The following PYGO1 variants were observed in gnomAD, a reference collection of about 807,000 sequenced individuals.
PYGO1 encodes the protein pygopus family PHD finger 1.
In PYGO1, 6 loss-of-function variants were observed where a neutral mutation model predicts 29.5. That is an observed-to-expected ratio of 0.20 (90% CI 0.11 to 0.40). The LOEUF (loss-of-function observed/expected upper bound fraction) is 0.40. PYGO1 is among the 10% of genes least tolerant of loss of function. The pLI, the probability that PYGO1 is intolerant of heterozygous loss-of-function variation, is 1.00. For synonymous variants in PYGO1, 186 were observed against 180.5 expected, an observed-to-expected ratio of 1.03 and a Z score of -0.24; for missense variants, 515 against 514.9, an observed-to-expected ratio of 1.00 and a Z score of 0.00.
At chr15:55,552,651 T>C (rs1023017600) in intron 1 of PYGO1, among the ~76,000 whole-genome samples, 2 of 152,094 alleles carry the variant, frequency 1.3e-5, no homozygotes, top group African/African-American at 4.8e-5. Context: ...CACAGATCTT[T>C]GCAACCCACA....
At chr15:55,584,034 T>C (rs1379080912) in intron 1 of PYGO1, among the ~76,000 whole-genome samples, 1 of 152,090 alleles carries the variant, frequency 6.6e-6, no homozygotes, top group East Asian at 1.9e-4. Context: ...GCCCTTATCA[T>C]GCTATTTGTA....
intron 2 of PYGO1, among the ~76,000 whole-genome samples, chr15:55,548,247 TG>T (rs1394874907): frequency 6.6e-6 from 1 of 151,462 alleles, no homozygotes; most frequent in African/African-American, 2.4e-5. Context: ...CTCGAACTCC[TG>T]GCCTCAAGTA....
intron 1 of PYGO1, among the ~76,000 whole-genome samples, chr15:55,578,092 A>G: frequency 6.6e-6 from 1 of 152,180 alleles, no homozygotes; most frequent in Non-Finnish European, 1.5e-5. Context: ...GGAATCATAC[A>G]ATATGTAGCT....
Position 55,539,104 on chromosome 15 carries a change from C to T in PYGO1, c.*6919G>A, listed in dbSNP as rs1309830511. On this transcript the variant is annotated 3_prime_UTR_variant, in exon 3 of 3. Coordinates refer to ENST00000563719, the MANE Select transcript of PYGO1 (RefSeq NM_001367806.1). ...CCAACAATAACATGGACTGTCTTGA[C>T]AGCAGAACGTCTACTTGTCTTCTTA... 1.3e-5 allele frequency: 2 copies of T among 152,138 alleles called. No individual in the cohort carries two copies. Among genetic ancestry groups the T allele is most frequent in the African/African-American group, 2.4e-5 (1 of 41,440 alleles). 9.4% of individuals were successfully genotyped at this position (152,138 alleles called of 1,614,324 possible). A position where few individuals can be genotyped will look rare whatever the true frequency, so the allele number is the denominator to read the frequency against.
chr15:55,578,790 C>A (rs1024813396), intron 1 of PYGO1, among the ~76,000 whole-genome samples: 2 of 152,048 alleles, frequency 1.3e-5, no homozygotes, highest in African/African-American at 2.4e-5. Context: ...TTCCATCGTG[C>A]GGGTTGTCTA....
chr15:55,551,818 A>T (rs1336468479), intron 1 of PYGO1, among the ~76,000 whole-genome samples: 1 of 152,034 alleles, frequency 6.6e-6, no homozygotes, highest in Non-Finnish European at 1.5e-5. Context: ...AAAAAAGAAC[A>T]CAGATGCAAA....
At chr15:55,563,662 T>C (rs1191455696) in intron 1 of PYGO1, among the ~76,000 whole-genome samples, 2 of 152,184 alleles carry the variant, frequency 1.3e-5, no homozygotes, top group African/African-American at 4.8e-5. Context: ...AAATAAATTC[T>C]TTAGTGGAGA....
intron 1 of PYGO1, among the ~76,000 whole-genome samples, chr15:55,572,682 C>T (rs921631030): frequency 6.6e-6 from 1 of 151,994 alleles, no homozygotes; most frequent in East Asian, 1.9e-4. Flanking sequence ...TATATAGGTG[C>T]TCATCCAAAA....
intron 1 of PYGO1, among the ~76,000 whole-genome samples, chr15:55,566,329 T>C (rs2058956424): frequency 6.6e-6 from 1 of 152,108 alleles, no homozygotes; most frequent in Non-Finnish European, 1.5e-5. Flanking sequence ...AGTATTTGAT[T>C]TTCTCTTCCT....
intron 1 of PYGO1, among the ~76,000 whole-genome samples, chr15:55,561,651 A>G (rs1369588549): frequency 6.6e-6 from 1 of 152,178 alleles, no homozygotes; most frequent in African/African-American, 2.4e-5. Flanking sequence ...TGAGATTTGC[A>G]CAGGGACACA....
At position 55,546,010 on chromosome 15, in the gene PYGO1, T is replaced by G; in HGVS notation, c.*13A>C. 6.3e-7 allele frequency: 1 copy of G among 1,578,184 alleles called. No homozygotes were observed. The highest frequency in any genetic ancestry group is 1.2e-5 in the South Asian group (1 of 86,804). Reference sequence around the variant, plus strand: ...GCACAGGAAAATAAACCCACTTTAGTTAATGCCTTTGATTAAGCATCACTG... The same window carrying G: ...GCACAGGAAAATAAACCCACTTTAGGTAATGCCTTTGATTAAGCATCACTG... On this transcript the variant is annotated 3_prime_UTR_variant, in exon 3 of 3. Transcript: ENST00000563719.
intron 1 of PYGO1, among the ~76,000 whole-genome samples, chr15:55,559,419 C>T (rs11071195): frequency 0.87 from 132,954 of 151,994 alleles, 58,335 homozygotes; most frequent in Admixed American, 0.92. Context: ...GAAGACAGTG[C>T]GGCGATTCCT....
At chr15:55,556,476 T>G (rs1162619508) in intron 1 of PYGO1, among the ~76,000 whole-genome samples, 1 of 152,096 alleles carries the variant, frequency 6.6e-6, no homozygotes, top group South Asian at 2.1e-4. Flanking sequence ...TGTACCAGAA[T>G]CTCTGGGATG....
At chr15:55,550,019 A>T (rs1337173886) in intron 1 of PYGO1, among the ~76,000 whole-genome samples, 2 of 152,228 alleles carry the variant, frequency 1.3e-5, no homozygotes, top group African/African-American at 4.8e-5. Flanking sequence ...GAACTTAAAA[A>T]AAATACAATG....
intron 1 of PYGO1, among the ~76,000 whole-genome samples, chr15:55,572,674 T>G (rs1229085122): frequency 1.3e-5 from 2 of 151,996 alleles, no homozygotes; most frequent in Non-Finnish European, 2.9e-5. Context: ...ACCCAAAATA[T>G]ATAGGTGCTC....
At chr15:55,585,611 A>G (rs532170615) in intron 1 of PYGO1, among the ~76,000 whole-genome samples, 1 of 152,342 alleles carries the variant, frequency 6.6e-6, no homozygotes, top group Admixed American at 6.5e-5. Flanking sequence ...CTTAACTCTC[A>G]GAATATTCTT....
intron 1 of PYGO1, among the ~76,000 whole-genome samples, chr15:55,558,981 A>T (rs1343562994): frequency 1.3e-5 from 2 of 151,856 alleles, no homozygotes; most frequent in African/African-American, 4.8e-5. Context: ...AAAATTGACA[A>T]ATGGGATCTA....
At chr15:55,557,385 C>T (rs192734305) in intron 1 of PYGO1, among the ~76,000 whole-genome samples, 21 of 152,192 alleles carry the variant, frequency 1.4e-4, no homozygotes, top group African/African-American at 3.6e-4. Context: ...CAGGACCAGA[C>T]GGATTCACAG....
At position 55,546,420 on chromosome 15, in the gene PYGO1, C is replaced by G; in HGVS notation, c.863G>C (p.Arg288Pro). ...RNNAVNQENS[R>P]SSSTEATNNN... ...GTTTGTGGCTTCAGTGCTACTTGAACGGCTGTTCTCCTGATTTACTGCATT... is the reference window on the plus strand; with the variant it reads ...GTTTGTGGCTTCAGTGCTACTTGAAGGGCTGTTCTCCTGATTTACTGCATT... Residue 288 changes from arginine (R) to proline (P), a missense_variant, in exon 3 of 3, where the codon CGT becomes CCT. By Grantham distance (103) the Arg-to-Pro change is moderately radical (BLOSUM62 -2). Coordinates refer to ENST00000563719, the MANE Select transcript of PYGO1 (RefSeq NM_001367806.1). The G allele has an allele frequency of 6.2e-7, 1 of 1,614,086 alleles. No homozygotes were observed. Among genetic ancestry groups the G allele is most frequent in the Non-Finnish European group, 8.5e-7 (1 of 1,179,984 alleles).
Sources: allele counts gnomAD v4.1 joint callset (sites outside exome capture counted in the v4.1 genomes callset), GRCh38; gene constraint gnomAD v4.1.1; transcripts MANE v1.5; gene names NCBI Gene and HGNC (gene_info 2026-07-23, HGNC 2026-07-21).